CSMD1: variants seen among roughly 807,000 people sequenced by gnomAD.
The protein encoded by CSMD1 is CUB and sushi domain-containing protein 1.
A neutral mutation model predicts 417.5 loss-of-function variants in CSMD1; 213 were observed. That is an observed-to-expected ratio of 0.51 (90% CI 0.46 to 0.57). The LOEUF (loss-of-function observed/expected upper bound fraction) is 0.57, where lower values mean the gene tolerates loss of function less well. CSMD1 is among the 20% of genes least tolerant of loss of function. The pLI, the probability that CSMD1 is intolerant of heterozygous loss-of-function variation, is 0.00. For missense variants in CSMD1, 6,923 were observed against 4,529.7 expected (o/e 1.53, Z -15.17); for synonymous variants, 2,862 against 1,736.8 (o/e 1.65, Z -16.11).
intron 5 of CSMD1, among the ~76,000 whole-genome samples, chr8:3,770,784 T>C (rs1798524768): frequency 6.6e-6 from 1 of 152,148 alleles, no homozygotes; most frequent in South Asian, 2.1e-4. Flanking sequence ...AATTGCAGTT[T>C]TTCTTTATAC....
intron 15 of CSMD1, among the ~76,000 whole-genome samples, chr8:3,400,815 A>T (rs983107353): frequency 1.3e-5 from 2 of 151,210 alleles, no homozygotes; most frequent in African/African-American, 4.8e-5. Flanking sequence ...TATTATATAT[A>T]TATATTTTTC....
intron 52 of CSMD1, 27 bp downstream of exon 52, chr8:3,018,450 T>A: frequency 6.2e-7 from 1 of 1,606,254 alleles, no homozygotes; most frequent in South Asian, 1.1e-5. Context: ...CTGCATTAAG[T>A]AAGTGCCAGA....
intron 7 of CSMD1, among the ~76,000 whole-genome samples, chr8:3,635,253 A>G (rs748000103): frequency 6.6e-6 from 1 of 152,002 alleles, no homozygotes; most frequent in Non-Finnish European, 1.5e-5. Flanking sequence ...AGGTGGGTGG[A>G]TCATGAGGTC....
chr8:3,106,485 T>C, intron 46 of CSMD1, 43 bp downstream of exon 46: 2 of 1,206,612 alleles, frequency 1.7e-6, no homozygotes, highest in South Asian at 1.3e-5. Flanking sequence ...CAATTTTCCA[T>C]GTTGAATAAG....
At chr8:3,659,161 A>G (rs1009849239) in intron 7 of CSMD1, among the ~76,000 whole-genome samples, 3 of 152,206 alleles carry the variant, frequency 2.0e-5, no homozygotes, top group Non-Finnish European at 4.4e-5. Flanking sequence ...TTGCAGATTC[A>G]TGGAATCATT....
intron 3 of CSMD1, among the ~76,000 whole-genome samples, chr8:4,362,643 C>T (rs140572303): frequency 6.6e-6 from 1 of 152,286 alleles, no homozygotes; most frequent in African/African-American, 2.4e-5. Flanking sequence ...ACCCCCTCTA[C>T]TGGCCTCAAG....
At chr8:3,754,858 A>C (rs1563343930) in intron 5 of CSMD1, among the ~76,000 whole-genome samples, 1 of 152,228 alleles carries the variant, frequency 6.6e-6, no homozygotes, top group Non-Finnish European at 1.5e-5. Flanking sequence ...AGGACTAAGA[A>C]CCTGGGCCTT....
chr8:3,404,046 C>T (rs1447350607), intron 15 of CSMD1, among the ~76,000 whole-genome samples: 1 of 152,138 alleles, frequency 6.6e-6, no homozygotes, highest in Non-Finnish European at 1.5e-5. Context: ...CATCAGAATA[C>T]CCTCCTTTAC....
intron 3 of CSMD1, among the ~76,000 whole-genome samples, chr8:4,181,061 T>G (rs565678604): frequency 1.8e-3 from 271 of 152,210 alleles, no homozygotes; most frequent in African/African-American, 6.3e-3. Flanking sequence ...AGTCTCCAAA[T>G]ATGAAAATAG....
chr8:3,834,861 A>G (rs867397829), intron 5 of CSMD1, among the ~76,000 whole-genome samples: 27 of 152,240 alleles, frequency 1.8e-4, no homozygotes, highest in African/African-American at 6.0e-4. Flanking sequence ...GAACTCCAAC[A>G]AATTTACAAG....
At chr8:3,664,944 A>C (rs1266560602) in intron 7 of CSMD1, among the ~76,000 whole-genome samples, 1 of 152,194 alleles carries the variant, frequency 6.6e-6, no homozygotes, top group Non-Finnish European at 1.5e-5. Flanking sequence ...CTGTGCGTCA[A>C]AGATTTCAAT....
At chr8:4,000,770 C>G (rs1263782610) in intron 4 of CSMD1, among the ~76,000 whole-genome samples, 1 of 151,630 alleles carries the variant, frequency 6.6e-6, no homozygotes, top group Non-Finnish European at 1.5e-5. Context: ...AGATTTTATT[C>G]TTTTCTCTGA....
At chr8:4,159,849 A>G (rs979872393) in intron 3 of CSMD1, among the ~76,000 whole-genome samples, 2 of 152,156 alleles carry the variant, frequency 1.3e-5, no homozygotes, top group African/African-American at 2.4e-5. Context: ...ATGGAAAACT[A>G]AAGACCGTAT....
chr8:3,940,138 A>C (rs1490152822), intron 5 of CSMD1, among the ~76,000 whole-genome samples: 2 of 152,296 alleles, frequency 1.3e-5, no homozygotes, highest in African/African-American at 4.8e-5. Flanking sequence ...GTACTACTAT[A>C]CAAGTTATTT....
chr8:3,705,509 ACTT>A (rs1349591106), intron 7 of CSMD1, among the ~76,000 whole-genome samples: 4 of 152,190 alleles, frequency 2.6e-5, no homozygotes, highest in Non-Finnish European at 4.4e-5. Context: ...CACTGCTGTC[ACTT>A]CTTTTACTCC....
intron 5 of CSMD1, among the ~76,000 whole-genome samples, chr8:3,797,908 C>G (rs541766525): frequency 1.7e-4 from 26 of 152,110 alleles, no homozygotes; most frequent in Non-Finnish European, 1.5e-4. Context: ...GCATCCCTGT[C>G]AACATTTGAT....
At chr8:4,035,714 T>C (rs113023605) in intron 3 of CSMD1, among the ~76,000 whole-genome samples, 1 of 152,238 alleles carries the variant, frequency 6.6e-6, no homozygotes, top group African/African-American at 2.4e-5. Context: ...AGTTAAATAT[T>C]ATTACGGAAG....
intron 3 of CSMD1, among the ~76,000 whole-genome samples, chr8:4,157,847 C>A (rs1211144662): frequency 6.6e-6 from 1 of 152,150 alleles, no homozygotes; most frequent in Non-Finnish European, 1.5e-5. Flanking sequence ...CACAGGAAAA[C>A]AGGATGCTGA....
At chr8:3,927,247 T>C (rs1178604696) in intron 5 of CSMD1, among the ~76,000 whole-genome samples, 2 of 152,002 alleles carry the variant, frequency 1.3e-5, no homozygotes, top group Non-Finnish European at 2.9e-5. Flanking sequence ...TTCCAACAAT[T>C]ACAAATAAAT....
Sources: allele counts gnomAD v4.1 joint callset (sites outside exome capture counted in the v4.1 genomes callset), GRCh38; gene constraint gnomAD v4.1.1; transcripts MANE v1.5; gene names NCBI Gene and HGNC (gene_info 2026-07-23, HGNC 2026-07-21).